Variants in FAM178B observed in about 807,000 individuals in gnomAD.
FAM178B encodes the protein protein FAM178B.
A neutral mutation model predicts 91.7 loss-of-function variants in FAM178B; 82 were observed. The observed-to-expected ratio is 0.89, with a 90% CI of 0.75 to 1.07. FAM178B has a LOEUF of 1.07. FAM178B is among the 50% of genes least tolerant of loss of function. The probability of loss-of-function intolerance (pLI) is 0.00; values close to 1 mark genes in which losing one functional copy is unlikely to be tolerated. For missense variants in FAM178B, 769 were observed against 846.7 expected (o/e 0.91, Z 1.14); for synonymous variants, 368 against 359.4 (o/e 1.02, Z -0.27).
At chr2:96,928,844 CCAAA>C (rs1291852991) in intron 9 of FAM178B, among the ~76,000 whole-genome samples, 3 of 152,104 alleles carry the variant, frequency 2.0e-5, no homozygotes, top group Non-Finnish European at 4.4e-5. Context: ...CCAGCAACTT[CCAAA>C]CAAACAAGAG....
In FAM178B at chr2:96,903,188, C is replaced by T. The variant is rs531038482; in HGVS notation, c.1563-481G>A. On this transcript the variant is annotated intron_variant, in intron 12 of 16. Coordinates refer to ENST00000490605, the MANE Select transcript of FAM178B (RefSeq NM_001122646.3). ...CTGAGTAGCTGGGACTACAGGCGCC[C>T]GCCACCATGCACGGCTGATTTTTTG... is the stretch of plus-strand genomic sequence containing the variant. 2.0e-3 allele frequency among the ~76,000 whole-genome samples: 298 copies of T among 152,298 alleles called. 1 individual carries two copies. Among genetic ancestry groups the T allele is most frequent in the Non-Finnish European group, 3.2e-3 (219 of 68,034 alleles).
Position 96,929,340 on chromosome 2 carries a change from C to T in FAM178B, c.1079-20G>A. 1.3e-6 allele frequency: 2 copies of T among 1,521,336 alleles called. No homozygotes were observed. Among genetic ancestry groups the T allele is most frequent in the Non-Finnish European group, 1.8e-6 (2 of 1,119,618 alleles). The allele number at this position is 1,521,336 out of a possible 1,614,324, so 94.2% of individuals were successfully genotyped here. A position where few individuals can be genotyped will look rare whatever the true frequency, so the allele number is the denominator to read the frequency against. On this transcript the variant is annotated intron_variant, in intron 8 of 16. Transcript: ENST00000490605. ...CTTCATCTGTCAGGCCAAAAGGGAG[C>T]AGAGAGTTAGAATGGGGAACGGAGG...
At chr2:96,909,838 T>C (rs2081121754) in intron 12 of FAM178B, among the ~76,000 whole-genome samples, 1 of 152,168 alleles carries the variant, frequency 6.6e-6, no homozygotes, top group Non-Finnish European at 1.5e-5. Context: ...CATTGTTCCA[T>C]TAATAGCCTC....
rs1248491932 is a variant in FAM178B, at chr2:96,986,559, G to A, written c.-246C>T. ...CTCACAGCCGCCGCCGCCGCCAGCT[G>A]GGGAGCTCGCCGGCCAAGTGCGCAC... On this transcript the variant is annotated 5_prime_UTR_variant, in exon 1 of 17. Coordinates refer to ENST00000490605, the MANE Select transcript of FAM178B (RefSeq NM_001122646.3). 2.0e-6 allele frequency: 1 copy of A among 508,808 alleles called. No homozygotes were observed. Among genetic ancestry groups the A allele is most frequent in the Non-Finnish European group, 3.5e-6 (1 of 285,458 alleles). The allele number at this position is 508,808 out of a possible 1,614,324, so 31.5% of individuals were successfully genotyped here.
At chr2:96,898,666 C>T (rs951639806) in intron 13 of FAM178B, among the ~76,000 whole-genome samples, 4 of 152,058 alleles carry the variant, frequency 2.6e-5, no homozygotes, top group African/African-American at 7.2e-5. Flanking sequence ...AAAATAATCC[C>T]GGCTGTACCA....
intron 1 of FAM178B, among the ~76,000 whole-genome samples, chr2:96,976,582 C>T (rs2082291463): frequency 6.6e-6 from 1 of 151,896 alleles, no homozygotes; most frequent in South Asian, 2.1e-4. Flanking sequence ...TGGTGGCTCA[C>T]GCCTGTAATC....
intron 6 of FAM178B, among the ~76,000 whole-genome samples, chr2:96,955,433 C>T (rs890018311): frequency 6.6e-6 from 1 of 151,942 alleles, no homozygotes; most frequent in Non-Finnish European, 1.5e-5. Flanking sequence ...ATGGCGTGAA[C>T]CCAGGAGGCG....
At chr2:96,949,955 C>A in intron 7 of FAM178B, 2 of 984,230 alleles carry the variant, frequency 2.0e-6, no homozygotes, top group East Asian at 2.3e-4. Context: ...GGTGGCAGGG[C>A]CAGAACTCAC....
intron 8 of FAM178B, among the ~76,000 whole-genome samples, chr2:96,935,745 T>G (rs2081613309): frequency 6.6e-6 from 1 of 151,434 alleles, no homozygotes. Flanking sequence ...GCAATTCTCC[T>G]GCCTCAGCCT....
At chr2:96,897,011 C>T (rs1000231501) in intron 13 of FAM178B, among the ~76,000 whole-genome samples, 25 of 152,144 alleles carry the variant, frequency 1.6e-4, no homozygotes, top group Admixed American at 6.5e-4. Flanking sequence ...GGATTACAGG[C>T]GGCCACCACC....
intron 12 of FAM178B, among the ~76,000 whole-genome samples, chr2:96,918,057 C>T (rs2153370578): frequency 6.6e-6 from 1 of 151,338 alleles, no homozygotes; most frequent in East Asian, 1.9e-4. Flanking sequence ...GGAAACCCTT[C>T]GTCTTCCACA....
intron 13 of FAM178B, chr2:96,894,927 A>C (rs1424365206): frequency 1.1e-4 from 32 of 300,518 alleles, no homozygotes; most frequent in Admixed American, 2.0e-4. Context: ...ACCCATCCCC[A>C]CCCCCTGCAC....
intron 6 of FAM178B, 47 bp from the exon 7 acceptor site, chr2:96,951,531 A>G (rs1473894825): frequency 6.9e-7 from 1 of 1,450,930 alleles, no homozygotes; most frequent in East Asian, 2.5e-5. Flanking sequence ...GTGCCAGCAC[A>G]CTTGTCTCGG....
Position 96,960,442 on chromosome 2 carries a change from T to C in FAM178B, c.735-2A>G. The C allele has an allele frequency of 6.5e-7, 1 of 1,538,370 alleles. No individual in the cohort carries two copies. The highest frequency in any genetic ancestry group is 8.8e-7 in the Non-Finnish European group (1 of 1,138,492). Reference sequence around the variant, plus strand: ...ACTGAGTACTTTTCCACCAGCATCCTGGCAAGGCAAGGGGCAGGAGGGCCG... The same window carrying C: ...ACTGAGTACTTTTCCACCAGCATCCCGGCAAGGCAAGGGGCAGGAGGGCCG... On this transcript the variant is annotated splice_acceptor_variant, in intron 5 of 16. Coordinates refer to ENST00000490605, the MANE Select transcript of FAM178B (RefSeq NM_001122646.3). LOFTEE classifies it high-confidence loss of function.
At chr2:96,935,338 G>T (rs1038485135) in intron 8 of FAM178B, among the ~76,000 whole-genome samples, 1 of 152,184 alleles carries the variant, frequency 6.6e-6, no homozygotes, top group Non-Finnish European at 1.5e-5. Context: ...GCTGTTCTTA[G>T]CATGTGCCTC....
intron 13 of FAM178B, among the ~76,000 whole-genome samples, chr2:96,900,917 G>A (rs1574216681): frequency 6.6e-6 from 1 of 152,178 alleles, no homozygotes; most frequent in Admixed American, 6.5e-5. Flanking sequence ...TCAGTGGCTA[G>A]AGATGCACAG....
intron 5 of FAM178B, among the ~76,000 whole-genome samples, chr2:96,961,867 A>T (rs1305762382): frequency 1.3e-5 from 2 of 152,248 alleles, no homozygotes; most frequent in African/African-American, 4.8e-5. Context: ...ACGATGCTGC[A>T]GACCCGGGAG....
chr2:96,876,091 G>C lies in FAM178B; in HGVS notation c.*185C>G. 1 of 615,496 alleles carries C rather than the reference G, an allele frequency of 1.6e-6. No individual in the cohort carries two copies. Among genetic ancestry groups the C allele is most frequent in the Non-Finnish European group, 2.8e-6 (1 of 350,910 alleles). 38.1% of individuals were successfully genotyped at this position (615,496 alleles called of 1,614,324 possible). ...TGCTGAGAGGAGAGGGGGTCGGGGC[G>C]GTGGCAGAGGCAGGCTCTTGCAGAG... On this transcript the variant is annotated 3_prime_UTR_variant, in exon 17 of 17. Transcript: ENST00000490605.
chr2:96,960,410 C>T lies in FAM178B; in HGVS notation c.765G>A (p.Leu255=). The change falls in exon 6 of 17, where the codon CTG becomes CTA. Residue 255 remains leucine (L), a synonymous_variant. Coordinates refer to ENST00000490605, the MANE Select transcript of FAM178B (RefSeq NM_001122646.3). ...RMLVEKYSVS[L]QTIPPVHPGE... is the part of the protein sequence containing the mutation. ...CTGGATGGACCGGCGGGATGGTCTG[C>T]AGGGACACTGAGTACTTTTCCACCA... The T allele has an allele frequency of 6.4e-7, 1 of 1,550,562 alleles. No individual in the cohort carries two copies. Among genetic ancestry groups the T allele is most frequent in the Non-Finnish European group, 8.7e-7 (1 of 1,146,262 alleles).
Sources: allele counts gnomAD v4.1 joint callset (sites outside exome capture counted in the v4.1 genomes callset), GRCh38; gene constraint gnomAD v4.1.1; transcripts MANE v1.5; gene names NCBI Gene and HGNC (gene_info 2026-07-23, HGNC 2026-07-21).